JAZF1: variants seen among roughly 807,000 people sequenced by gnomAD.
The protein encoded by JAZF1 is juxtaposed with another zinc finger protein 1.
Under a neutral mutation model 26.4 loss-of-function variants are expected in JAZF1, and 8 were observed. That is an observed-to-expected ratio of 0.30 (90% confidence interval 0.18 to 0.55). The LOEUF is 0.55. JAZF1 is among the 20% of genes least tolerant of loss of function. JAZF1 has a pLI of 0.94. For missense variants in JAZF1, 199 were observed against 322.0 expected, an observed-to-expected ratio of 0.62 and a Z score of 2.92; for synonymous variants, 126 against 122.3, an observed-to-expected ratio of 1.03 and a Z score of -0.20.
chr7:27,886,863 A>G (rs1185878469), intron 3 of JAZF1, among the ~76,000 whole-genome samples: 1 of 152,262 alleles, frequency 6.6e-6, no homozygotes, highest in Admixed American at 6.5e-5. Flanking sequence ...ATGCCCATCA[A>G]TGATAGACTG....
intron 3 of JAZF1, among the ~76,000 whole-genome samples, chr7:27,862,891 C>T (rs1441364066): frequency 6.6e-6 from 1 of 152,172 alleles, no homozygotes; most frequent in East Asian, 1.9e-4. Flanking sequence ...ACAAAAGTTC[C>T]AGGCCTGTCT....
chr7:28,126,155 C>T (rs1247152566), intron 1 of JAZF1, among the ~76,000 whole-genome samples: 11 of 152,124 alleles, frequency 7.2e-5, no homozygotes, highest in Non-Finnish European at 1.6e-4. Flanking sequence ...TCTCCATCAT[C>T]CCCCAAAGCT....
At chr7:28,017,490 C>A (rs1374086638) in intron 1 of JAZF1, among the ~76,000 whole-genome samples, 1 of 152,088 alleles carries the variant, frequency 6.6e-6, no homozygotes, top group Non-Finnish European at 1.5e-5. Context: ...CGCCGTTCAA[C>A]CAATTCTGTT....
intron 1 of JAZF1, among the ~76,000 whole-genome samples, chr7:28,135,968 G>A (rs1229609832): frequency 6.6e-6 from 1 of 152,132 alleles, no homozygotes; most frequent in African/African-American, 2.4e-5. Context: ...TGAAGTTTCT[G>A]CAAGCTGCGG....
intron 1 of JAZF1, among the ~76,000 whole-genome samples, chr7:28,106,593 C>A: frequency 6.6e-6 from 1 of 152,108 alleles, no homozygotes; most frequent in East Asian, 1.9e-4. Flanking sequence ...GGGATCAAGT[C>A]CAGTATATTT....
At chr7:27,905,373 C>G (rs1049922629) in intron 2 of JAZF1, among the ~76,000 whole-genome samples, 9 of 151,220 alleles carry the variant, frequency 6.0e-5, no homozygotes, top group Admixed American at 4.6e-4. Context: ...AATATGAGGG[C>G]AAGCCAATTT....
intron 2 of JAZF1, chr7:27,913,254 CATATT>C (rs1325075897): frequency 5.6e-6 from 1 of 178,824 alleles, no homozygotes; most frequent in Admixed American, 6.6e-5. Flanking sequence ...TTTATGTTTA[CATATT>C]ATATATGTAT....
intron 1 of JAZF1, among the ~76,000 whole-genome samples, chr7:28,015,256 C>T (rs1782871865): frequency 6.6e-6 from 1 of 152,174 alleles, no homozygotes; most frequent in South Asian, 2.1e-4. Flanking sequence ...GGGAACTGAA[C>T]TGAGACAACC....
intron 1 of JAZF1, among the ~76,000 whole-genome samples, chr7:28,163,408 A>G (rs1783321875): frequency 6.6e-6 from 1 of 152,210 alleles, no homozygotes; most frequent in Admixed American, 6.5e-5. Context: ...GAAGGGGCAC[A>G]GGAACAAGTG....
chr7:28,180,002 G>A (rs1783613937), intron 1 of JAZF1, among the ~76,000 whole-genome samples: 2 of 140,924 alleles, frequency 1.4e-5, no homozygotes. Context: ...GGCGTGCAGC[G>A]CCCGCCCCCC....
chr7:27,908,088 G>A (rs1481701505), intron 2 of JAZF1, among the ~76,000 whole-genome samples: 2 of 152,216 alleles, frequency 1.3e-5, no homozygotes, highest in Admixed American at 6.5e-5. Context: ...TAATATCTGA[G>A]AGAGAAAGTT....
chr7:27,833,881 G>A (rs184138574), intron 4 of JAZF1, among the ~76,000 whole-genome samples: 8 of 152,312 alleles, frequency 5.3e-5, no homozygotes, highest in Admixed American at 4.6e-4. Flanking sequence ...TGGGCTTGAG[G>A]GTAGTAAGTA....
chr7:28,031,038 T>G (rs1167726629), intron 1 of JAZF1, among the ~76,000 whole-genome samples: 2 of 152,234 alleles, frequency 1.3e-5, no homozygotes, highest in Non-Finnish European at 2.9e-5. Context: ...TACCTATTCT[T>G]GGCAAAGCTT....
rs1583419299 is a variant in JAZF1, at chr7:27,830,998, A to C, written c.*1802T>G. 1 of 219,810 alleles carries C rather than the reference A, an allele frequency of 4.5e-6. No homozygotes were observed. The highest frequency in any genetic ancestry group is 6.7e-5 in the East Asian group (1 of 14,906). The allele number at this position is 219,810 out of a possible 1,614,324, so 13.6% of individuals were successfully genotyped here. ...GCTAAATAATAATTGCTGGCCTAAA[A>C]AATTTTTTTTGGTCAATTGTAGGTA... On this transcript the variant is annotated 3_prime_UTR_variant, in exon 5 of 5. Transcript: ENST00000283928.
At chr7:28,108,434 T>C (rs1169581600) in intron 1 of JAZF1, among the ~76,000 whole-genome samples, 3 of 152,196 alleles carry the variant, frequency 2.0e-5, no homozygotes, top group African/African-American at 7.2e-5. Context: ...CTCATCTCTC[T>C]ATAATCAAAA....
intron 3 of JAZF1, among the ~76,000 whole-genome samples, chr7:27,882,453 AT>A (rs529279423): frequency 7.4e-4 from 112 of 152,306 alleles, no homozygotes; most frequent in African/African-American, 2.4e-3. Context: ...AGGAGGAACT[AT>A]GTAATTTTGG....
intron 2 of JAZF1, among the ~76,000 whole-genome samples, chr7:27,958,643 G>A (rs1785138997): frequency 6.6e-6 from 1 of 152,166 alleles, no homozygotes; most frequent in Non-Finnish European, 1.5e-5. Context: ...TCTCTGATTC[G>A]TTCTTGTTTC....
chr7:28,096,454 T>C (rs1376728767), intron 1 of JAZF1, among the ~76,000 whole-genome samples: 1 of 152,250 alleles, frequency 6.6e-6, no homozygotes, highest in Non-Finnish European at 1.5e-5. Context: ...AAAATCTTAC[T>C]ATCCACTATT....
At position 28,019,469 on chromosome 7, in the gene JAZF1, G is replaced by A. The variant is rs190591113; in HGVS notation, c.116-27488C>T. Among the ~76,000 whole-genome samples the A allele has an allele frequency of 2.6e-5, 4 of 152,160 alleles. No individual in the cohort carries two copies. The East Asian group carries it at 7.7e-4, about 29-fold the overall frequency. ...ACTCTTTTCATTTGGTAGATTTATTGAAGGCAGATCCTACAAATTGCTCAT... is the reference window on the plus strand; with the variant it reads ...ACTCTTTTCATTTGGTAGATTTATTAAAGGCAGATCCTACAAATTGCTCAT... On this transcript the variant is annotated intron_variant, in intron 1 of 4. Coordinates refer to ENST00000283928, the MANE Select transcript of JAZF1 (RefSeq NM_175061.4).
Sources: allele counts gnomAD v4.1 joint callset (sites outside exome capture counted in the v4.1 genomes callset), GRCh38; gene constraint gnomAD v4.1.1; transcripts MANE v1.5; gene names NCBI Gene and HGNC (gene_info 2026-07-23, HGNC 2026-07-21).